The following NAA11 variants were observed in gnomAD, a reference collection of about 807,000 sequenced individuals.
NAA11 encodes N-alpha-acetyltransferase 11.
In NAA11, 15 loss-of-function variants were observed where a neutral mutation model predicts 16.1. The ratio of observed to expected loss-of-function variants is 0.93; its 90% CI spans 0.62 to 1.44. The LOEUF (loss-of-function observed/expected upper bound fraction) is 1.44. Ranked by LOEUF, NAA11 falls within the 40% of genes most tolerant of loss-of-function variation. The probability of loss-of-function intolerance (pLI) is 0.00; values close to 1 mark genes in which losing one functional copy is unlikely to be tolerated. For synonymous variants in NAA11, 122 were observed against 112.4 expected (o/e 1.09, Z -0.54); for missense variants, 298 against 291.3 (o/e 1.02, Z -0.17).
intron 1 of NAA11, among the ~76,000 whole-genome samples, chr4:79,297,727 A>G (rs1414475139): frequency 6.6e-6 from 1 of 152,012 alleles, no homozygotes; most frequent in Non-Finnish European, 1.5e-5. Flanking sequence ...TTGAAGGGGG[A>G]CTGAGGGCAG....
intron 1 of NAA11, among the ~76,000 whole-genome samples, chr4:79,320,355 TCTTA>T (rs1485968539): frequency 1.3e-5 from 2 of 152,248 alleles, no homozygotes; most frequent in South Asian, 2.1e-4. Flanking sequence ...GAAAAGTTAC[TCTTA>T]CTATCGATTA....
the NAA11 span, chr4:79,197,605 G>A: frequency 6.6e-6 from 1 of 151,980 alleles, no homozygotes; most frequent in African/African-American, 2.4e-5. Context: ...GATAACACAT[G>A]GAACACTTGA....
At chr4:79,181,378 G>A in the NAA11 span, among the ~76,000 whole-genome samples, 3 of 152,262 alleles carry the variant, frequency 2.0e-5, no homozygotes, top group South Asian at 6.2e-4. Context: ...GGAAGTGGGC[G>A]TGGCTCAGTC....
chr4:79,159,153 C>T, the NAA11 span, among the ~76,000 whole-genome samples: 1 of 152,248 alleles, frequency 6.6e-6, no homozygotes, highest in South Asian at 2.1e-4. Context: ...AACAGACAAC[C>T]CACAGAGTGG....
the NAA11 span, among the ~76,000 whole-genome samples, chr4:79,211,277 G>T: frequency 2.6e-5 from 4 of 152,100 alleles, no homozygotes; most frequent in Admixed American, 2.6e-4. Flanking sequence ...GGCAGCAGAT[G>T]AGAAGAATTT....
the NAA11 span, among the ~76,000 whole-genome samples, chr4:79,211,212 A>T: frequency 6.6e-6 from 1 of 152,212 alleles, no homozygotes; most frequent in African/African-American, 2.4e-5. Flanking sequence ...ATATGCATGC[A>T]ATATAAAACG....
In NAA11 at chr4:79,317,251, G is replaced by A. The variant is rs1385903125; in HGVS notation, c.*553C>T. On this transcript the variant is annotated 3_prime_UTR_variant, in exon 2 of 2. Transcript: ENST00000286794. ...CCCTCCTCCTCAAAAAAAAGGGAGG[G>A]GGGAATAGTATAAAGGAGGAGTTAC... The A allele has an allele frequency of 6.6e-6, 1 of 152,118 alleles. No homozygotes were observed. The highest frequency in any genetic ancestry group is 2.4e-5 in the African/African-American group (1 of 41,406). 9.4% of individuals were successfully genotyped at this position (152,118 alleles called of 1,614,324 possible).
chr4:79,161,680 T>G, the NAA11 span, among the ~76,000 whole-genome samples: 120 of 149,270 alleles, frequency 8.0e-4, no homozygotes, highest in African/African-American at 2.5e-3. Context: ...TTTACTTAGT[T>G]TTTTTTTTTT....
chr4:79,210,032 C>T, the NAA11 span, among the ~76,000 whole-genome samples: 6 of 152,016 alleles, frequency 3.9e-5, no homozygotes, highest in Non-Finnish European at 2.9e-5. Flanking sequence ...GGTGACAGAA[C>T]AAGACTTGTT....
rs112507986 is a variant in NAA11, at chr4:79,256,935, G to T, written c.*123-30665C>A. 1.8e-4 allele frequency among the ~76,000 whole-genome samples: 27 copies of T among 151,840 alleles called. 1 individual carries two copies. Among genetic ancestry groups the T allele is most frequent in the African/African-American group, 6.5e-4 (27 of 41,418 alleles). ...ATTACAGACATGAGCCACCATGCCCGGCCTGTAAATACTTTTGTAGCCATG... is the reference window on the plus strand; with the variant it reads ...ATTACAGACATGAGCCACCATGCCCTGCCTGTAAATACTTTTGTAGCCATG... On this transcript the variant is annotated intron_variant and NMD_transcript_variant, in intron 2 of 2. Transcript: ENST00000511542.
chr4:79,260,626 A>G (rs1722228071), intron 2 of NAA11, among the ~76,000 whole-genome samples: 1 of 152,244 alleles, frequency 6.6e-6, no homozygotes, highest in South Asian at 2.1e-4. Context: ...GATTGAAACT[A>G]ACCTGAACAC....
At chr4:79,324,638 C>A (rs1188737491) in intron 1 of NAA11, among the ~76,000 whole-genome samples, 1 of 152,124 alleles carries the variant, frequency 6.6e-6, no homozygotes, top group Non-Finnish European at 1.5e-5. Flanking sequence ...ATAGGTAGTA[C>A]TGTGCACTTC....
At chr4:79,279,375 A>T (rs1307410589) in intron 2 of NAA11, among the ~76,000 whole-genome samples, 1 of 152,100 alleles carries the variant, frequency 6.6e-6, no homozygotes, top group Non-Finnish European at 1.5e-5. Flanking sequence ...CAAGTGGTGG[A>T]GTCAGGGTTA....
chr4:79,310,146 C>G (rs2110009972), intron 1 of NAA11, among the ~76,000 whole-genome samples: 1 of 152,272 alleles, frequency 6.6e-6, no homozygotes, highest in Non-Finnish European at 1.5e-5. Context: ...TGGGCACATT[C>G]AGAGACAAAT....
the NAA11 span, among the ~76,000 whole-genome samples, chr4:79,167,429 G>C: frequency 0.11 from 16,233 of 150,868 alleles, 972 homozygotes; most frequent in Middle Eastern, 0.15. Flanking sequence ...GATAGGGATA[G>C]ATATCAAGAA....
chr4:79,182,950 C>CA, the NAA11 span, among the ~76,000 whole-genome samples: 1 of 152,108 alleles, frequency 6.6e-6, no homozygotes, highest in Non-Finnish European at 1.5e-5. Flanking sequence ...AACTAGTATA[C>CA]AAAGCCCTCG....
chr4:79,219,203 G>A, the NAA11 span, among the ~76,000 whole-genome samples: 1 of 152,086 alleles, frequency 6.6e-6, no homozygotes, highest in Admixed American at 6.6e-5. Flanking sequence ...TTCAATATGA[G>A]TGGAAGGCCA....
intron 1 of NAA11, among the ~76,000 whole-genome samples, chr4:79,311,114 A>G (rs1280745586): frequency 6.6e-6 from 1 of 152,200 alleles, no homozygotes; most frequent in Non-Finnish European, 1.5e-5. Context: ...CAAAAGCTTT[A>G]CATTCTAAGA....
At chr4:79,289,660 C>T (rs904340063) in intron 2 of NAA11, among the ~76,000 whole-genome samples, 3 of 152,080 alleles carry the variant, frequency 2.0e-5, no homozygotes, top group African/African-American at 7.2e-5. Flanking sequence ...GAATTCAGAA[C>T]AGTATGATTC....
Sources: gnomAD v4.1 joint callset for allele counts (sites outside exome capture counted in the v4.1 genomes callset) on GRCh38, gnomAD v4.1.1 for gene constraint, MANE v1.5 for transcripts, NCBI Gene and HGNC (gene_info 2026-07-23, HGNC 2026-07-21) for gene names.